The following DIP2B variants were observed in gnomAD, a reference collection of about 807,000 sequenced individuals.
DIP2B encodes the protein DIP2 acetate--CoA ligase B (putative), also known as disco-interacting protein 2 homolog B.
Under a neutral mutation model 198.0 loss-of-function variants are expected in DIP2B, and 76 were observed. The observed-to-expected ratio is 0.38, with a 90% CI of 0.32 to 0.46. The LOEUF (loss-of-function observed/expected upper bound fraction) is 0.46. Ranked by LOEUF, DIP2B falls within the 20% of genes least tolerant of loss-of-function variation. The pLI, the probability that DIP2B is intolerant of heterozygous loss-of-function variation, is 0.99. For synonymous variants in DIP2B, 701 were observed against 739.1 expected, an observed-to-expected ratio of 0.95 and a Z score of 0.84; for missense variants, 1,559 against 1,978.4, an observed-to-expected ratio of 0.79 and a Z score of 4.02.
chr12:50,634,945 C>CT (rs1166034491), intron 2 of DIP2B, among the ~76,000 whole-genome samples: 1 of 152,070 alleles, frequency 6.6e-6, no homozygotes, highest in African/African-American at 2.4e-5. Flanking sequence ...AGAGTGGTCT[C>CT]TTGTAGATTG....
intron 1 of DIP2B, among the ~76,000 whole-genome samples, chr12:50,535,035 C>G (rs1958251304): frequency 6.6e-6 from 1 of 152,028 alleles, no homozygotes; most frequent in Non-Finnish European, 1.5e-5. Flanking sequence ...TTGAGACCAG[C>G]TTGGGCAAGA....
At chr12:50,593,010 C>G (rs1958832853) in intron 1 of DIP2B, among the ~76,000 whole-genome samples, 1 of 151,236 alleles carries the variant, frequency 6.6e-6, no homozygotes, top group South Asian at 2.1e-4. Flanking sequence ...TGCCATTAGA[C>G]CTATTCTCCG....
At chr12:50,678,565 A>G in intron 7 of DIP2B, 114 bp from the exon 8 acceptor site, 1 of 1,128,946 alleles carries the variant, frequency 8.9e-7, no homozygotes, top group Non-Finnish European at 1.3e-6. Flanking sequence ...TCTCAAAGTG[A>G]GTTTAAACCA....
At chr12:50,652,309 C>A (rs1938469071) in intron 3 of DIP2B, among the ~76,000 whole-genome samples, 1 of 142,070 alleles carries the variant, frequency 7.0e-6, no homozygotes, top group African/African-American at 2.6e-5. Context: ...CGAGACTCTG[C>A]AAAAATATAT....
chr12:50,595,881 TCTC>T (rs1439557323), intron 1 of DIP2B, among the ~76,000 whole-genome samples: 2 of 152,206 alleles, frequency 1.3e-5, no homozygotes, highest in South Asian at 2.1e-4. Context: ...GCTCCCACCG[TCTC>T]CTCCTCCACT....
intron 1 of DIP2B, among the ~76,000 whole-genome samples, chr12:50,581,093 C>G (rs1326216026): frequency 6.7e-6 from 1 of 149,382 alleles, no homozygotes; most frequent in Non-Finnish European, 1.5e-5. Context: ...AGGTCGCTCA[C>G]TCTTTGGAAT....
intron 2 of DIP2B, among the ~76,000 whole-genome samples, chr12:50,637,124 T>C (rs1412953334): frequency 6.6e-6 from 1 of 152,166 alleles, no homozygotes; most frequent in Non-Finnish European, 1.5e-5. Flanking sequence ...AAGGTGATTA[T>C]TGGTTCCCTC....
At chr12:50,692,384 G>T (rs1000302524) in intron 13 of DIP2B, among the ~76,000 whole-genome samples, 2 of 151,348 alleles carry the variant, frequency 1.3e-5, no homozygotes, top group African/African-American at 2.4e-5. Flanking sequence ...TGTATTCTCC[G>T]CATATTTAGG....
chr12:50,529,645 G>A (rs1357126202), intron 1 of DIP2B, among the ~76,000 whole-genome samples: 1 of 152,142 alleles, frequency 6.6e-6, no homozygotes, highest in Non-Finnish European at 1.5e-5. Flanking sequence ...TATCCTGTAG[G>A]TCTTTGCTTC....
At chr12:50,581,046 A>G (rs1593627361) in intron 1 of DIP2B, among the ~76,000 whole-genome samples, 1 of 149,300 alleles carries the variant, frequency 6.7e-6, no homozygotes, top group African/African-American at 2.5e-5. Flanking sequence ...ATTTTGGAGA[A>G]ACTATTTTGT....
At chr12:50,593,357 T>G (rs990082048) in intron 1 of DIP2B, among the ~76,000 whole-genome samples, 3 of 151,898 alleles carry the variant, frequency 2.0e-5, no homozygotes, top group African/African-American at 7.3e-5. Flanking sequence ...ATACAAAAAT[T>G]AGCTAGGCGT....
intron 3 of DIP2B, among the ~76,000 whole-genome samples, chr12:50,647,092 G>A (rs1938363742): frequency 6.6e-6 from 1 of 151,932 alleles, no homozygotes; most frequent in Non-Finnish European, 1.5e-5. Context: ...CCGCTCTGTT[G>A]TCTAGGATGA....
At chr12:50,529,165 CA>C (rs1394647908) in intron 1 of DIP2B, among the ~76,000 whole-genome samples, 2 of 152,018 alleles carry the variant, frequency 1.3e-5, no homozygotes, top group Non-Finnish European at 2.9e-5. Context: ...CCTGTAGTCC[CA>C]AAATAGTCCC....
At chr12:50,653,094 T>G (rs566787387) in intron 3 of DIP2B, among the ~76,000 whole-genome samples, 1 of 152,130 alleles carries the variant, frequency 6.6e-6, no homozygotes, top group South Asian at 2.1e-4. Flanking sequence ...AGATTTACAT[T>G]AATTCATATT....
At chr12:50,713,359 A>G (rs1271962218) in intron 22 of DIP2B, among the ~76,000 whole-genome samples, 4 of 152,332 alleles carry the variant, frequency 2.6e-5, no homozygotes, top group South Asian at 2.1e-4. Context: ...GAAGTTTTTT[A>G]GGAGCTAACT....
chr12:50,567,097 TTTTA>T (rs1451120971), intron 1 of DIP2B, among the ~76,000 whole-genome samples: 6 of 152,342 alleles, frequency 3.9e-5, no homozygotes, highest in Admixed American at 2.0e-4. Flanking sequence ...ATTGTGATCT[TTTTA>T]TTTGACACAC....
intron 1 of DIP2B, among the ~76,000 whole-genome samples, chr12:50,616,968 C>G (rs954111940): frequency 1.3e-5 from 2 of 152,036 alleles, no homozygotes; most frequent in Admixed American, 6.6e-5. Flanking sequence ...ACTTGTATCC[C>G]TCATGTATGA....
intron 3 of DIP2B, among the ~76,000 whole-genome samples, chr12:50,659,539 TA>T (rs2139510686): frequency 6.6e-6 from 1 of 152,128 alleles, no homozygotes; most frequent in Non-Finnish European, 1.5e-5. Context: ...TGTGGAACTA[TA>T]GAGTGACCTT....
At chr12:50,614,433 G>A (rs1937657356) in intron 1 of DIP2B, among the ~76,000 whole-genome samples, 1 of 152,224 alleles carries the variant, frequency 6.6e-6, no homozygotes, top group Non-Finnish European at 1.5e-5. Context: ...TCACACCCAA[G>A]GCTTCAGCTA....
Sources: gnomAD v4.1 joint callset for allele counts (sites outside exome capture counted in the v4.1 genomes callset) on GRCh38, gnomAD v4.1.1 for gene constraint, MANE v1.5 for transcripts, NCBI Gene and HGNC (gene_info 2026-07-23, HGNC 2026-07-21) for gene names.